Variants in SLC35F3 observed in about 807,000 individuals in gnomAD.
SLC35F3 encodes the protein putative thiamine transporter SLC35F3.
SLC35F3 carries 25 observed loss-of-function variants against 49.9 expected under a neutral mutation model. The observed-to-expected ratio is 0.50, with a 90% CI of 0.37 to 0.70. The LOEUF (loss-of-function observed/expected upper bound fraction) is 0.70, where lower values mean the gene tolerates loss of function less well. Among genes scored for constraint, SLC35F3 ranks in the 30% least tolerant of loss-of-function variants. The pLI is 0.00. For synonymous variants in SLC35F3, 275 were observed against 265.4 expected (o/e 1.04, Z -0.35); for missense variants, 525 against 639.8 (o/e 0.82, Z 1.94).
intron 2 of SLC35F3, among the ~76,000 whole-genome samples, chr1:233,951,164 T>A (rs927969797): frequency 1.3e-5 from 2 of 151,814 alleles, no homozygotes; most frequent in Non-Finnish European, 1.5e-5. Flanking sequence ...CATAGAGTCA[T>A]GCACCATGTA....
intron 2 of SLC35F3, among the ~76,000 whole-genome samples, chr1:234,090,338 A>G (rs373527686): frequency 2.0e-5 from 3 of 152,274 alleles, no homozygotes; most frequent in African/African-American, 7.2e-5. Context: ...GAAGGTGCAC[A>G]TACTGCTGTC....
At chr1:234,103,250 C>T (rs374281392) in intron 2 of SLC35F3, among the ~76,000 whole-genome samples, 1 of 152,202 alleles carries the variant, frequency 6.6e-6, no homozygotes, top group East Asian at 1.9e-4. Context: ...TACCCACCCC[C>T]ACCCTCTCTC....
At chr1:234,056,946 A>G (rs569050837) in intron 2 of SLC35F3, among the ~76,000 whole-genome samples, 1 of 152,332 alleles carries the variant, frequency 6.6e-6, no homozygotes, top group South Asian at 2.1e-4. Flanking sequence ...GGTATTGGCA[A>G]CTTGTCAAAA....
intron 2 of SLC35F3, among the ~76,000 whole-genome samples, chr1:234,133,889 G>C (rs1195361576): frequency 6.6e-6 from 1 of 152,182 alleles, no homozygotes; most frequent in African/African-American, 2.4e-5. Flanking sequence ...ACTGTTCTAA[G>C]TAAACCCTGG....
intron 2 of SLC35F3, among the ~76,000 whole-genome samples, chr1:234,198,592 A>C (rs1666849492): frequency 7.5e-6 from 1 of 133,366 alleles, no homozygotes; most frequent in African/African-American, 3.0e-5. Context: ...GCAGGTATGA[A>C]GTGGTACCTC....
At chr1:234,242,388 G>A (rs1667566951) in intron 3 of SLC35F3, among the ~76,000 whole-genome samples, 1 of 152,210 alleles carries the variant, frequency 6.6e-6, no homozygotes, top group Admixed American at 6.5e-5. Context: ...TTCCAGCCTG[G>A]GTCATCCCAT....
At chr1:234,024,009 G>A (rs555568210) in intron 2 of SLC35F3, among the ~76,000 whole-genome samples, 12 of 151,996 alleles carry the variant, frequency 7.9e-5, no homozygotes, top group African/African-American at 2.9e-4. Context: ...ACAGAAAAAG[G>A]GCATTAGGTA....
At chr1:234,236,642 G>T (rs190116690) in intron 3 of SLC35F3, among the ~76,000 whole-genome samples, 1 of 152,072 alleles carries the variant, frequency 6.6e-6, no homozygotes, top group East Asian at 1.9e-4. Context: ...CAGCAGTTAG[G>T]CAGAGCAGAT....
At chr1:234,220,329 T>A (rs1438399141) in intron 2 of SLC35F3, among the ~76,000 whole-genome samples, 1 of 152,168 alleles carries the variant, frequency 6.6e-6, no homozygotes, top group African/African-American at 2.4e-5. Flanking sequence ...TACATGCTCA[T>A]ACGTGTGTGT....
chr1:234,148,664 G>A (rs1011145133), intron 2 of SLC35F3, among the ~76,000 whole-genome samples: 7 of 152,176 alleles, frequency 4.6e-5, no homozygotes, highest in African/African-American at 1.7e-4. Flanking sequence ...AGATCACTCT[G>A]GCTGCTTTAC....
At chr1:233,932,353 G>A (rs1662257239) in intron 2 of SLC35F3, among the ~76,000 whole-genome samples, 1 of 152,140 alleles carries the variant, frequency 6.6e-6, no homozygotes, top group Non-Finnish European at 1.5e-5. Flanking sequence ...AAACAAATCT[G>A]TGTATAAGTG....
chr1:234,123,195 G>C (rs1186361671), intron 2 of SLC35F3, among the ~76,000 whole-genome samples: 3 of 152,012 alleles, frequency 2.0e-5, no homozygotes, highest in Admixed American at 6.5e-5. Flanking sequence ...ATTGTGGTTT[G>C]GATTTGCATT....
intron 2 of SLC35F3, among the ~76,000 whole-genome samples, chr1:234,044,702 G>C (rs1484929607): frequency 6.6e-6 from 1 of 151,996 alleles, no homozygotes; most frequent in Non-Finnish European, 1.5e-5. Flanking sequence ...ACATTTTTTA[G>C]TCATTAATGT....
chr1:234,035,352 C>T (rs1410953376), intron 2 of SLC35F3, among the ~76,000 whole-genome samples: 4 of 151,964 alleles, frequency 2.6e-5, no homozygotes, highest in Admixed American at 1.3e-4. Context: ...ATTGAGAAGT[C>T]GGAAGCCAAG....
At chr1:234,181,567 A>G (rs1452115805) in intron 2 of SLC35F3, among the ~76,000 whole-genome samples, 1 of 152,136 alleles carries the variant, frequency 6.6e-6, no homozygotes, top group Non-Finnish European at 1.5e-5. Flanking sequence ...CTTTTAATCT[A>G]TAGGTGCCTC....
At chr1:234,117,748 T>G (rs998148006) in intron 2 of SLC35F3, among the ~76,000 whole-genome samples, 15 of 150,512 alleles carry the variant, frequency 1.0e-4, no homozygotes, top group Admixed American at 9.3e-4. Flanking sequence ...TAGCCGGGCG[T>G]GGTGGTGGGC....
chr1:233,981,141 A>C (rs1030717736), intron 2 of SLC35F3, among the ~76,000 whole-genome samples: 1 of 152,230 alleles, frequency 6.6e-6, no homozygotes, highest in African/African-American at 2.4e-5. Context: ...CTATAGTACA[A>C]TATCACAACC....
In SLC35F3 at chr1:234,300,387, T is replaced by C. The variant is rs182041182; in HGVS notation, c.609-8714T>C. 2.6e-3 allele frequency among the ~76,000 whole-genome samples: 393 copies of C among 152,328 alleles called. 1 individual carries two copies. Among genetic ancestry groups the C allele is most frequent in the Non-Finnish European group, 4.2e-3 (283 of 68,022 alleles). On this transcript the variant is annotated intron_variant, in intron 3 of 7. Transcript: ENST00000366618. ...TGTATTTTTAACAGCTCCCTGGGAT[T>C]TTTTAAGACAAATGGCCCCATGCTT... is the stretch of plus-strand genomic sequence containing the variant.
chr1:234,170,743 C>T (rs1666389363), intron 2 of SLC35F3, among the ~76,000 whole-genome samples: 1 of 152,184 alleles, frequency 6.6e-6, no homozygotes, highest in African/African-American at 2.4e-5. Flanking sequence ...ACCAGGTTAC[C>T]TAACTTAACC....
Sources: gnomAD v4.1 joint callset for allele counts (sites outside exome capture counted in the v4.1 genomes callset) on GRCh38, gnomAD v4.1.1 for gene constraint, MANE v1.5 for transcripts, NCBI Gene and HGNC (gene_info 2026-07-23, HGNC 2026-07-21) for gene names.